The following FBXL2 variants were observed in gnomAD, a reference collection of about 807,000 sequenced individuals.
FBXL2 encodes the protein F-box/LRR-repeat protein 2.
Under a neutral mutation model 69.2 loss-of-function variants are expected in FBXL2, and 38 were observed. The ratio of observed to expected loss-of-function variants is 0.55; its 90% CI spans 0.42 to 0.72. FBXL2 has a LOEUF of 0.72. Ranked by LOEUF, FBXL2 falls within the 30% of genes least tolerant of loss-of-function variation. The pLI, the probability that FBXL2 is intolerant of heterozygous loss-of-function variation, is 0.00. For missense variants in FBXL2, 354 were observed against 520.3 expected (o/e 0.68, Z 3.11); for synonymous variants, 192 against 201.3 (o/e 0.95, Z 0.39).
chr3:33,342,482 G>T (rs2040106842), intron 2 of FBXL2, among the ~76,000 whole-genome samples: 1 of 151,032 alleles, frequency 6.6e-6, no homozygotes, highest in African/African-American at 2.4e-5. Flanking sequence ...CCTCAATTAC[G>T]AAAAAATAGA....
downstream of FBXL2, chr3:33,389,578 G>A (rs952189552): frequency 4.6e-5 from 7 of 152,070 alleles, no homozygotes; most frequent in Non-Finnish European, 1.0e-4. Context: ...ATGAAAACCA[G>A]AAACTAAAAT....
chr3:33,393,687 A>T (rs2043857619), intron 12 of FBXL2, among the ~76,000 whole-genome samples: 1 of 152,246 alleles, frequency 6.6e-6, no homozygotes, highest in Non-Finnish European at 1.5e-5. Flanking sequence ...TAATTTAATA[A>T]ACATTAACAG....
At chr3:33,411,957 C>T in the FBXL2 span, among the ~76,000 whole-genome samples, 1 of 151,934 alleles carries the variant, frequency 6.6e-6, no homozygotes, top group Admixed American at 6.6e-5. Context: ...GAGGCCAAGG[C>T]AGGTGGATAA....
chr3:33,315,495 C>CA (rs2037607299), intron 2 of FBXL2, among the ~76,000 whole-genome samples: 2 of 150,768 alleles, frequency 1.3e-5, no homozygotes. Context: ...AAGCAAGTAA[C>CA]ATCTTAGTAT....
chr3:33,378,194 AT>A (rs2042771466), intron 12 of FBXL2, 47 bp downstream of exon 12: 2 of 1,578,176 alleles, frequency 1.3e-6, no homozygotes, highest in Non-Finnish European at 1.7e-6. Context: ...CTCCTTAGTC[AT>A]TGCTGGCCAG....
chr3:33,391,385 C>T (rs2043756605), downstream of FBXL2: 2 of 152,220 alleles, frequency 1.3e-5, no homozygotes, highest in African/African-American at 2.4e-5. Context: ...TTGGAGCCAC[C>T]TAAGCCTGGT....
intron 2 of FBXL2, among the ~76,000 whole-genome samples, chr3:33,334,284 T>C (rs2039391237): frequency 6.6e-6 from 1 of 152,176 alleles, no homozygotes; most frequent in East Asian, 1.9e-4. Context: ...GTGACAAATA[T>C]GTTAAATAAT....
chr3:33,352,399 G>A (rs1011548159), intron 2 of FBXL2, among the ~76,000 whole-genome samples: 6 of 152,044 alleles, frequency 3.9e-5, no homozygotes. Flanking sequence ...CCTTAGATTT[G>A]GCAATGAACT....
chr3:33,335,865 G>C (rs759354593), intron 2 of FBXL2, among the ~76,000 whole-genome samples: 2 of 152,022 alleles, frequency 1.3e-5, no homozygotes, highest in Non-Finnish European at 2.9e-5. Flanking sequence ...AAGCGGGCAG[G>C]GGAGATAATT....
At chr3:33,291,642 A>C (rs1465560904) in intron 1 of FBXL2, among the ~76,000 whole-genome samples, 10 of 152,220 alleles carry the variant, frequency 6.6e-5, no homozygotes, top group African/African-American at 1.9e-4. Context: ...TGATAAGTTA[A>C]AGATGCACTC....
chr3:33,379,208 G>A (rs113136279), intron 13 of FBXL2, among the ~76,000 whole-genome samples: 2 of 151,732 alleles, frequency 1.3e-5, no homozygotes, highest in Non-Finnish European at 1.5e-5. Flanking sequence ...CACCATGTTG[G>A]CCAGGCTGGT....
chr3:33,319,766 T>A (rs1270288494), intron 2 of FBXL2, among the ~76,000 whole-genome samples: 1 of 152,208 alleles, frequency 6.6e-6, no homozygotes, highest in Non-Finnish European at 1.5e-5. Context: ...TTTATTCATT[T>A]GATATTTGGT....
downstream of FBXL2, among the ~76,000 whole-genome samples, chr3:33,405,771 T>C (rs1468705501): frequency 6.6e-6 from 1 of 152,154 alleles, no homozygotes; most frequent in Non-Finnish European, 1.5e-5. Flanking sequence ...TAAAAAAATT[T>C]AAAAATTATT....
At chr3:33,375,238 T>C (rs1397213770) in intron 9 of FBXL2, 50 bp from the exon 10 acceptor site, 1 of 1,588,994 alleles carries the variant, frequency 6.3e-7, no homozygotes. Flanking sequence ...GCTCCCGTTT[T>C]GGTATTGCTG....
chr3:33,359,153 T>A, intron 3 of FBXL2, 130 bp from the exon 4 acceptor site: 1 of 928,244 alleles, frequency 1.1e-6, no homozygotes, highest in Non-Finnish European at 1.6e-6. Flanking sequence ...AATTTTGCAT[T>A]TGATGATTAA....
intron 1 of FBXL2, among the ~76,000 whole-genome samples, chr3:33,289,443 C>A (rs889039576): frequency 2.7e-5 from 4 of 150,354 alleles, no homozygotes; most frequent in Non-Finnish European, 5.9e-5. Flanking sequence ...AGAGAAGGTA[C>A]AAAATCATAA....
chr3:33,312,633 TA>T (rs2125767452), intron 2 of FBXL2, among the ~76,000 whole-genome samples: 1 of 152,348 alleles, frequency 6.6e-6, no homozygotes, highest in South Asian at 2.1e-4. Flanking sequence ...GTGTTAAATC[TA>T]CATTGTTAAA....
chr3:33,383,955 C>T (rs1311761463), intron 13 of FBXL2, 34 bp from the exon 14 acceptor site: 2 of 1,600,024 alleles, frequency 1.2e-6, no homozygotes, highest in East Asian at 2.2e-5. Context: ...GAATAAGGGT[C>T]CTGCAAACAT....
intron 13 of FBXL2, among the ~76,000 whole-genome samples, chr3:33,379,456 G>T (rs968021762): frequency 6.6e-6 from 1 of 151,988 alleles, no homozygotes; most frequent in Middle Eastern, 3.4e-3. Context: ...CTTGGTTCAA[G>T]CTATTCTCCT....
Sources: gnomAD v4.1 joint callset for allele counts (sites outside exome capture counted in the v4.1 genomes callset) on GRCh38, gnomAD v4.1.1 for gene constraint, MANE v1.5 for transcripts, NCBI Gene and HGNC (gene_info 2026-07-23, HGNC 2026-07-21) for gene names.